Variants in PRKD1 observed in about 807,000 individuals in gnomAD.
PRKD1 encodes the protein protein kinase D1, also known as serine/threonine-protein kinase D1.
Under a neutral mutation model 95.9 loss-of-function variants are expected in PRKD1, and 63 were observed. The observed-to-expected ratio is 0.66, with a 90% CI of 0.54 to 0.81. The LOEUF (loss-of-function observed/expected upper bound fraction) is 0.81. Among genes scored for constraint, PRKD1 ranks in the 30% least tolerant of loss-of-function variants. The pLI is 0.00. For missense variants in PRKD1, 1,048 were observed against 1,165.3 expected, an observed-to-expected ratio of 0.90 and a Z score of 1.47; for synonymous variants, 425 against 423.1, an observed-to-expected ratio of 1.00 and a Z score of -0.05.
intron 1 of PRKD1, among the ~76,000 whole-genome samples, chr14:29,778,751 T>C (rs1348758679): frequency 6.6e-6 from 1 of 151,958 alleles, no homozygotes; most frequent in Non-Finnish European, 1.5e-5. Flanking sequence ...TGATTCCAAT[T>C]GATAGAAAAA....
chr14:29,845,615 C>T (rs966058437), intron 1 of PRKD1, among the ~76,000 whole-genome samples: 4 of 152,150 alleles, frequency 2.6e-5, no homozygotes, highest in African/African-American at 9.7e-5. Flanking sequence ...ATTTTGCATG[C>T]TGGCATATTT....
intron 1 of PRKD1, among the ~76,000 whole-genome samples, chr14:29,812,916 C>A (rs190495491): frequency 2.6e-5 from 4 of 152,086 alleles, no homozygotes; most frequent in African/African-American, 4.8e-5. Flanking sequence ...CTTGACCAGC[C>A]GGCCTACATG....
At chr14:29,776,192 G>T (rs1888745034) in intron 1 of PRKD1, among the ~76,000 whole-genome samples, 1 of 152,120 alleles carries the variant, frequency 6.6e-6, no homozygotes, top group South Asian at 2.1e-4. Flanking sequence ...ACAAAGATGG[G>T]GATAAACCAG....
At chr14:29,581,568 C>A (rs779784815) in intron 16 of PRKD1, among the ~76,000 whole-genome samples, 4 of 152,130 alleles carry the variant, frequency 2.6e-5, no homozygotes, top group Non-Finnish European at 5.9e-5. Flanking sequence ...AAAGCCTGTG[C>A]TCTTAAACAC....
At chr14:29,839,384 C>G (rs1594566510) in intron 1 of PRKD1, among the ~76,000 whole-genome samples, 1 of 152,158 alleles carries the variant, frequency 6.6e-6, no homozygotes, top group Non-Finnish European at 1.5e-5. Flanking sequence ...ATCCTGAAAA[C>G]AAAGCACAAT....
chr14:29,868,391 A>C (rs538608187), intron 1 of PRKD1, among the ~76,000 whole-genome samples: 1 of 152,226 alleles, frequency 6.6e-6, no homozygotes, highest in East Asian at 1.9e-4. Context: ...TTCTGAAATC[A>C]GTCTGAATTG....
chr14:29,666,355 A>T, intron 2 of PRKD1, 147 bp from the exon 3 acceptor site: 1 of 795,066 alleles, frequency 1.3e-6, no homozygotes, highest in South Asian at 3.5e-5. Context: ...TTGCACTTTC[A>T]GCCATTAGAC....
intron 1 of PRKD1, among the ~76,000 whole-genome samples, chr14:29,757,908 A>G (rs527944459): frequency 6.6e-6 from 1 of 152,096 alleles, no homozygotes; most frequent in South Asian, 2.1e-4. Flanking sequence ...AGGAAATGAC[A>G]GAGACAGGAC....
intron 1 of PRKD1, among the ~76,000 whole-genome samples, chr14:29,919,210 T>A (rs1026654762): frequency 3.9e-5 from 6 of 152,354 alleles, no homozygotes; most frequent in African/African-American, 1.4e-4. Flanking sequence ...AGTTTCATGT[T>A]TGCCAACATT....
At chr14:29,903,721 AC>A (rs1894400266) in intron 1 of PRKD1, among the ~76,000 whole-genome samples, 1 of 152,214 alleles carries the variant, frequency 6.6e-6, no homozygotes, top group Non-Finnish European at 1.5e-5. Context: ...CAACTGAGGA[AC>A]AAAAAATGAT....
intron 13 of PRKD1, among the ~76,000 whole-genome samples, chr14:29,622,836 T>C (rs973829225): frequency 1.3e-5 from 2 of 152,130 alleles, no homozygotes; most frequent in African/African-American, 4.8e-5. Flanking sequence ...TGCAGTAAAA[T>C]ATAGAAAGAT....
At chr14:29,794,759 T>G (rs1889735353) in intron 1 of PRKD1, among the ~76,000 whole-genome samples, 1 of 152,058 alleles carries the variant, frequency 6.6e-6, no homozygotes, top group African/African-American at 2.4e-5. Flanking sequence ...TCTTCGCTGC[T>G]GTATTTTATT....
chr14:29,633,938 C>A (rs1471242439), intron 8 of PRKD1, among the ~76,000 whole-genome samples: 1 of 152,216 alleles, frequency 6.6e-6, no homozygotes, highest in Non-Finnish European at 1.5e-5. Context: ...CGTACGTACA[C>A]AACCTCATTC....
At chr14:29,591,134 T>C (rs1893111509) in intron 16 of PRKD1, 1 of 152,200 alleles carries the variant, frequency 6.6e-6, no homozygotes, top group African/African-American at 2.4e-5. Context: ...ATCTTTATTA[T>C]ACACGACTTT....
At position 29,576,967 on chromosome 14, in the gene PRKD1, G is replaced by C. The variant is rs1335499859; in HGVS notation, c.*271C>G. On this transcript the variant is annotated 3_prime_UTR_variant, in exon 18 of 18. Coordinates refer to ENST00000331968, the MANE Select transcript of PRKD1 (RefSeq NM_002742.3). ...GATTTGCAAAGGCACAGTGGAGACA[G>C]GTTTAATGCATTAAATATAACATGA... 2.1e-6 allele frequency: 1 copy of C among 473,094 alleles called. No homozygotes were observed. The highest frequency in any genetic ancestry group is 3.9e-6 in the Non-Finnish European group (1 of 257,798). The allele number at this position is 473,094 out of a possible 1,614,324, so 29.3% of individuals were successfully genotyped here.
chr14:29,810,904 T>C (rs1030542235), intron 1 of PRKD1, among the ~76,000 whole-genome samples: 9 of 152,232 alleles, frequency 5.9e-5, no homozygotes, highest in African/African-American at 2.2e-4. Context: ...GCAAGGGTTT[T>C]ATTGTAATTT....
intron 13 of PRKD1, among the ~76,000 whole-genome samples, chr14:29,617,007 C>T (rs564835694): frequency 1.3e-4 from 20 of 152,120 alleles, no homozygotes; most frequent in Non-Finnish European, 2.5e-4. Flanking sequence ...TTTGTGTCCA[C>T]ATGTACTCAC....
chr14:29,724,620 G>T (rs890950093), intron 2 of PRKD1, among the ~76,000 whole-genome samples: 1 of 152,068 alleles, frequency 6.6e-6, no homozygotes, highest in African/African-American at 2.4e-5. Context: ...AAGATAAATT[G>T]AATTATAATC....
At chr14:29,919,110 C>T (rs1160876977) in intron 1 of PRKD1, among the ~76,000 whole-genome samples, 1 of 152,154 alleles carries the variant, frequency 6.6e-6, no homozygotes. Context: ...AGAATAGATG[C>T]CAATGAACTA....
Sources: allele counts gnomAD v4.1 joint callset (sites outside exome capture counted in the v4.1 genomes callset), GRCh38; gene constraint gnomAD v4.1.1; transcripts MANE v1.5; gene names NCBI Gene and HGNC (gene_info 2026-07-23, HGNC 2026-07-21).